The following HPSE2 variants were observed in gnomAD, a reference collection of about 807,000 sequenced individuals.
The protein encoded by HPSE2 is heparanase 2 (inactive).
Under a neutral mutation model 60.5 loss-of-function variants are expected in HPSE2, and 38 were observed. The observed-to-expected ratio is 0.63, with a 90% CI of 0.48 to 0.82. The LOEUF (loss-of-function observed/expected upper bound fraction) is 0.82. Ranked by LOEUF, HPSE2 falls within the 40% of genes least tolerant of loss-of-function variation. HPSE2 has a pLI of 0.00. For missense variants in HPSE2, 713 were observed against 740.4 expected, an observed-to-expected ratio of 0.96 and a Z score of 0.43; for synonymous variants, 295 against 293.2, an observed-to-expected ratio of 1.01 and a Z score of -0.06.
chr10:98,988,204 A>C (rs1431976392), intron 3 of HPSE2, among the ~76,000 whole-genome samples: 2 of 152,388 alleles, frequency 1.3e-5, no homozygotes, highest in Non-Finnish European at 2.9e-5. Flanking sequence ...CTAAGCCAAA[A>C]GAACAAAGCT....
intron 3 of HPSE2, among the ~76,000 whole-genome samples, chr10:99,010,239 T>C (rs190697704): frequency 2.0e-4 from 31 of 152,370 alleles, no homozygotes; most frequent in Non-Finnish European, 3.1e-4. Context: ...ATTTTCTATT[T>C]TTTTATCTTT....
intron 2 of HPSE2, among the ~76,000 whole-genome samples, chr10:99,225,595 C>G (rs926281416): frequency 2.0e-5 from 3 of 152,006 alleles, no homozygotes; most frequent in African/African-American, 7.2e-5. Flanking sequence ...CTTTGTAACT[C>G]AAACCTTGAC....
At chr10:99,201,389 T>C (rs1708658507) in intron 2 of HPSE2, among the ~76,000 whole-genome samples, 1 of 152,164 alleles carries the variant, frequency 6.6e-6, no homozygotes, top group Non-Finnish European at 1.5e-5. Context: ...ACCACTATTC[T>C]ATTCTGTCCT....
At chr10:98,819,438 T>TTTTTA (rs1555006528) in intron 3 of HPSE2, among the ~76,000 whole-genome samples, 1 of 151,448 alleles carries the variant, frequency 6.6e-6, no homozygotes, top group African/African-American at 2.4e-5. Context: ...TTTTTTTTTT[T>TTTTTA]AACCAGTTCT....
At chr10:99,085,108 C>T (rs1174039741) in intron 3 of HPSE2, among the ~76,000 whole-genome samples, 1 of 152,190 alleles carries the variant, frequency 6.6e-6, no homozygotes, top group Non-Finnish European at 1.5e-5. Flanking sequence ...CAGGAATCTG[C>T]AAGTGCATCT....
chr10:99,111,302 T>C (rs1349857219), intron 3 of HPSE2, among the ~76,000 whole-genome samples: 2 of 152,302 alleles, frequency 1.3e-5, no homozygotes, highest in East Asian at 3.9e-4. Context: ...TCTAGTTCTT[T>C]TGTCTTTCCA....
chr10:99,210,292 T>G (rs1848913190), intron 2 of HPSE2, among the ~76,000 whole-genome samples: 1 of 152,110 alleles, frequency 6.6e-6, no homozygotes, highest in Non-Finnish European at 1.5e-5. Flanking sequence ...AGATCTCTCC[T>G]CAAAGAAAAG....
intron 9 of HPSE2, among the ~76,000 whole-genome samples, chr10:98,587,887 A>AG (rs1944981689): frequency 6.6e-6 from 1 of 152,222 alleles, no homozygotes; most frequent in Non-Finnish European, 1.5e-5. Context: ...ACTTTTTAAA[A>AG]TTGTAAAATA....
intron 3 of HPSE2, among the ~76,000 whole-genome samples, chr10:98,982,028 T>C (rs574339143): frequency 2.0e-5 from 3 of 152,166 alleles, no homozygotes; most frequent in African/African-American, 4.8e-5. Flanking sequence ...TATGAGAAAA[T>C]AGTTCTCTAT....
chr10:98,523,486 C>A (rs1419093843), intron 9 of HPSE2, among the ~76,000 whole-genome samples: 1 of 152,078 alleles, frequency 6.6e-6, no homozygotes, highest in Non-Finnish European at 1.5e-5. Context: ...AAAGGAAAGT[C>A]CAATTTCAGA....
At chr10:98,657,877 T>A (rs1947117524) in intron 6 of HPSE2, among the ~76,000 whole-genome samples, 1 of 152,204 alleles carries the variant, frequency 6.6e-6, no homozygotes, top group African/African-American at 2.4e-5. Flanking sequence ...CACCAATAGT[T>A]GGTAAGGTTG....
At chr10:99,152,771 CTCCAG>C (rs1334955993) in intron 2 of HPSE2, among the ~76,000 whole-genome samples, 1 of 152,220 alleles carries the variant, frequency 6.6e-6, no homozygotes, top group Non-Finnish European at 1.5e-5. Context: ...ATAGGAACAG[CTCCAG>C]TCTACAGCTC....
At position 98,933,738 on chromosome 10, in the gene HPSE2, C is replaced by CTT. The variant is rs1400974532; in HGVS notation, c.611-189684_611-189683dup. Among the ~76,000 whole-genome samples, 10 of 133,588 alleles carry CTT rather than the reference C, an allele frequency of 7.5e-5. 2 individuals are homozygous for CTT. Among genetic ancestry groups the CTT allele is most frequent in the Admixed American group, 5.2e-4 (7 of 13,404 alleles). The allele number at this position is 133,588 out of a possible 152,430, so 87.6% of individuals were successfully genotyped here. A position where few individuals can be genotyped will look rare whatever the true frequency, so the allele number is the denominator to read the frequency against. On this transcript the variant is annotated intron_variant, in intron 3 of 11. Coordinates refer to ENST00000370552, the MANE Select transcript of HPSE2 (RefSeq NM_021828.5). ...TTCATTGCCTTTTTCTTTTTCTTTTCTTTTTTTTTTTGAGATGGAGTCTTG... is the reference window on the plus strand; with the variant it reads ...TTCATTGCCTTTTTCTTTTTCTTTTCTTTTTTTTTTTTTGAGATGGAGTCTTG...
intron 3 of HPSE2, among the ~76,000 whole-genome samples, chr10:99,037,917 C>T (rs10786500): frequency 0.62 from 94,837 of 151,850 alleles, 30,981 homozygotes; most frequent in East Asian, 0.77. Context: ...GAGATACAGA[C>T]GACAAATAAG....
intron 2 of HPSE2, among the ~76,000 whole-genome samples, chr10:99,153,579 A>G (rs1211849155): frequency 6.6e-6 from 1 of 151,582 alleles, no homozygotes; most frequent in Non-Finnish European, 1.5e-5. Context: ...CAGAAAGGAC[A>G]TCCACACCAA....
intron 3 of HPSE2, among the ~76,000 whole-genome samples, chr10:99,132,158 AAAG>A (rs1845418948): frequency 5.3e-4 from 3 of 5,682 alleles, no homozygotes; most frequent in Non-Finnish European, 2.9e-3. Flanking sequence ...AGAAAGAAAG[AAAG>A]AAAGAAAGAA....
chr10:98,518,289 G>A (rs1443797340), intron 9 of HPSE2, among the ~76,000 whole-genome samples: 1 of 152,294 alleles, frequency 6.6e-6, no homozygotes, highest in African/African-American at 2.4e-5. Flanking sequence ...CATTCTGCAA[G>A]CTATAATGCA....
intron 3 of HPSE2, among the ~76,000 whole-genome samples, chr10:98,805,107 G>C (rs537297060): frequency 2.0e-5 from 3 of 152,242 alleles, no homozygotes; most frequent in Admixed American, 1.3e-4. Flanking sequence ...ATGGAGATAA[G>C]AGAGTAGAAG....
At chr10:98,630,845 C>CA (rs967722024) in intron 7 of HPSE2, among the ~76,000 whole-genome samples, 1 of 152,138 alleles carries the variant, frequency 6.6e-6, no homozygotes, top group African/African-American at 2.4e-5. Context: ...CTCAGTATCA[C>CA]AAGGGCAAAA....
Sources: allele counts gnomAD v4.1 joint callset (sites outside exome capture counted in the v4.1 genomes callset), GRCh38; gene constraint gnomAD v4.1.1; transcripts MANE v1.5; gene names NCBI Gene and HGNC (gene_info 2026-07-23, HGNC 2026-07-21).